The following TENM4 variants were observed in gnomAD, a reference collection of about 807,000 sequenced individuals.
TENM4 encodes the protein teneurin-4.
In TENM4, 82 loss-of-function variants were observed where a neutral mutation model predicts 243.3. The observed-to-expected ratio is 0.34, with a 90% CI of 0.28 to 0.40. TENM4 has a LOEUF of 0.40. Among genes scored for constraint, TENM4 ranks in the 10% least tolerant of loss-of-function variants. The pLI is 1.00. For missense variants in TENM4, 3,138 were observed against 3,673.3 expected, an observed-to-expected ratio of 0.85 and a Z score of 3.77; for synonymous variants, 1,412 against 1,456.3, an observed-to-expected ratio of 0.97 and a Z score of 0.69.
chr11:79,214,712 T>TG (rs1291247276), intron 3 of TENM4, among the ~76,000 whole-genome samples: 1 of 152,182 alleles, frequency 6.6e-6, no homozygotes, highest in African/African-American at 2.4e-5. Flanking sequence ...TTCTGGCCAA[T>TG]GGGTGGTGTG....
chr11:78,871,005 T>G (rs952097532), intron 9 of TENM4, among the ~76,000 whole-genome samples: 6 of 152,212 alleles, frequency 3.9e-5, no homozygotes, highest in Non-Finnish European at 7.3e-5. Context: ...ATTTAGGAGT[T>G]GGCCACCCCC....
intron 6 of TENM4, among the ~76,000 whole-genome samples, chr11:79,021,370 T>TA (rs1187951343): frequency 1.3e-5 from 2 of 152,080 alleles, no homozygotes; most frequent in Non-Finnish European, 2.9e-5. Flanking sequence ...GAGCTAACCC[T>TA]AAAAAAAGGA....
At chr11:78,826,059 A>G (rs1413453791) in intron 12 of TENM4, among the ~76,000 whole-genome samples, 1 of 150,990 alleles carries the variant, frequency 6.6e-6, no homozygotes, top group Non-Finnish European at 1.5e-5. Context: ...AACCAAATAG[A>G]AAACCAAATC....
intron 6 of TENM4, among the ~76,000 whole-genome samples, chr11:79,042,324 T>A (rs1026535214): frequency 3.3e-5 from 5 of 152,218 alleles, no homozygotes; most frequent in African/African-American, 1.2e-4. Context: ...CCTGCTATGG[T>A]CTGAATTTCT....
intron 2 of TENM4, among the ~76,000 whole-genome samples, chr11:79,296,157 A>G (rs1856449647): frequency 6.6e-6 from 1 of 152,286 alleles, no homozygotes; most frequent in East Asian, 1.9e-4. Context: ...AGAAGTTGTG[A>G]TCCATATAAA....
At chr11:78,797,684 T>A (rs1448474232) in intron 15 of TENM4, among the ~76,000 whole-genome samples, 2 of 152,196 alleles carry the variant, frequency 1.3e-5, no homozygotes, top group East Asian at 3.9e-4. Context: ...CCACACTACC[T>A]CCCAGGCAAC....
At chr11:78,825,180 C>G (rs917323783) in intron 12 of TENM4, among the ~76,000 whole-genome samples, 2 of 152,194 alleles carry the variant, frequency 1.3e-5, no homozygotes, top group Non-Finnish European at 2.9e-5. Context: ...AGTCACTACA[C>G]CGGTCTAGGT....
chr11:78,761,724 C>T (rs2135967834), intron 18 of TENM4, among the ~76,000 whole-genome samples: 1 of 152,184 alleles, frequency 6.6e-6, no homozygotes, highest in African/African-American at 2.4e-5. Context: ...CAAGCCATGG[C>T]AGAGAAATGC....
At chr11:79,274,518 T>C (rs1283035902) in intron 2 of TENM4, among the ~76,000 whole-genome samples, 3 of 152,212 alleles carry the variant, frequency 2.0e-5, no homozygotes, top group Non-Finnish European at 4.4e-5. Context: ...TCTTTATATT[T>C]TTCCAGATGA....
chr11:79,089,138 C>T (rs1294639845), intron 4 of TENM4, among the ~76,000 whole-genome samples: 2 of 152,194 alleles, frequency 1.3e-5, no homozygotes, highest in Non-Finnish European at 2.9e-5. Flanking sequence ...GGTCACTGTG[C>T]AGGCCTGTGC....
intron 2 of TENM4, among the ~76,000 whole-genome samples, chr11:79,253,322 C>A (rs1337920860): frequency 6.6e-6 from 1 of 152,174 alleles, no homozygotes; most frequent in Non-Finnish European, 1.5e-5. Context: ...AGGCTATTTT[C>A]CTTTTATGAG....
chr11:79,362,611 A>G (rs552528047), intron 1 of TENM4, among the ~76,000 whole-genome samples: 1 of 152,342 alleles, frequency 6.6e-6, no homozygotes, highest in South Asian at 2.1e-4. Flanking sequence ...GGGGCAGCTC[A>G]TCAGTATTTA....
At chr11:79,228,194 T>C (rs1864306621) in intron 2 of TENM4, among the ~76,000 whole-genome samples, 1 of 152,190 alleles carries the variant, frequency 6.6e-6, no homozygotes. Context: ...AAGCTCTCCA[T>C]GGAGCAGGCC....
intron 12 of TENM4, among the ~76,000 whole-genome samples, chr11:78,824,596 G>A (rs1486307503): frequency 3.3e-5 from 5 of 151,700 alleles, no homozygotes; most frequent in South Asian, 4.2e-4. Flanking sequence ...CCGCCTCCCG[G>A]TTTCAAGCAA....
At chr11:79,242,636 G>A (rs78172748) in intron 2 of TENM4, among the ~76,000 whole-genome samples, 2,136 of 152,190 alleles carry the variant, frequency 0.014, 65 homozygotes, top group East Asian at 0.11. Context: ...CATTTTTAAC[G>A]GCTACAAAAT....
Position 78,654,968 on chromosome 11 carries a change from G to A in TENM4, c.*3090C>T, listed in dbSNP as rs540438173. ...AGGAACTGTAGGATCATACACCTGG[G>A]CAGGTGAGGGAGGCCTGGTCACTCT... On this transcript the variant is annotated 3_prime_UTR_variant, in exon 34 of 34. Transcript: ENST00000278550. 9.2e-5 allele frequency: 14 copies of A among 152,530 alleles called. No homozygotes were observed. Among genetic ancestry groups the A allele is most frequent in the Admixed American group, 5.2e-4 (8 of 15,304 alleles). The allele number at this position is 152,530 out of a possible 1,614,324, so 9.4% of individuals were successfully genotyped here. A position where few individuals can be genotyped will look rare whatever the true frequency, so the allele number is the denominator to read the frequency against.
At position 78,821,446 on chromosome 11, in the gene TENM4, C is replaced by T. The variant is rs186682369; in HGVS notation, c.1682-7051G>A. Among the ~76,000 whole-genome samples the T allele has an allele frequency of 3.9e-5, 6 of 152,158 alleles. No individual in the cohort carries two copies. In the South Asian group the frequency reaches 6.2e-4, roughly 16 times the overall value. On this transcript the variant is annotated intron_variant, in intron 12 of 33. Coordinates refer to ENST00000278550, the MANE Select transcript of TENM4 (RefSeq NM_001098816.3). The stretch of plus-strand genomic sequence containing the variant: ...TGCCACAATAATCAGGTTCCAGAGG[C>T]GTTTGGTGGCCAAGAAACATACTGT...
At chr11:79,346,107 T>A (rs1389834281) in intron 1 of TENM4, among the ~76,000 whole-genome samples, 2 of 152,112 alleles carry the variant, frequency 1.3e-5, no homozygotes, top group Non-Finnish European at 2.9e-5. Context: ...CATTCCCAAA[T>A]AAAACTCCGA....
At chr11:79,405,672 CTACAGT>C in intron 1 of TENM4, among the ~76,000 whole-genome samples, 1 of 151,958 alleles carries the variant, frequency 6.6e-6, no homozygotes, top group South Asian at 2.1e-4. Flanking sequence ...CTCTACATCT[CTACAGT>C]TCCCCATATA....
Sources: allele counts gnomAD v4.1 joint callset (sites outside exome capture counted in the v4.1 genomes callset), GRCh38; gene constraint gnomAD v4.1.1; transcripts MANE v1.5; gene names NCBI Gene and HGNC (gene_info 2026-07-23, HGNC 2026-07-21).